Variants in FER1L6 observed in about 807,000 individuals in gnomAD.
FER1L6 encodes the protein fer-1-like protein 6.
A neutral mutation model predicts 219.2 loss-of-function variants in FER1L6; 177 were observed. The observed-to-expected ratio is 0.81, with a 90% CI of 0.71 to 0.91. The LOEUF (loss-of-function observed/expected upper bound fraction) is 0.91, where lower values mean the gene tolerates loss of function less well. FER1L6 is among the 40% of genes least tolerant of loss of function. The probability of loss-of-function intolerance (pLI) is 0.00; values close to 1 mark genes in which losing one functional copy is unlikely to be tolerated. For missense variants in FER1L6, 2,153 were observed against 2,259.9 expected (o/e 0.95, Z 0.96); for synonymous variants, 768 against 824.3 (o/e 0.93, Z 1.17).
At chr8:124,051,856 T>A (rs1487085959) in intron 22 of FER1L6, among the ~76,000 whole-genome samples, 2 of 152,058 alleles carry the variant, frequency 1.3e-5, no homozygotes, top group African/African-American at 2.4e-5. Context: ...AGACTTTCAG[T>A]GTGGTCTAGT....
chr8:124,074,860 C>T (rs1821214453), intron 31 of FER1L6, among the ~76,000 whole-genome samples: 2 of 152,060 alleles, frequency 1.3e-5, no homozygotes, highest in Admixed American at 1.3e-4. Context: ...ACTGTATAGA[C>T]TACTGTAGGC....
rs112123385 is a variant in FER1L6, at chr8:124,006,662, G to C, written c.1700+3315G>C. 3.1e-3 allele frequency among the ~76,000 whole-genome samples: 465 copies of C among 152,296 alleles called. 5 individuals carry two copies. Among genetic ancestry groups the C allele is most frequent in the African/African-American group, 0.011 (454 of 41,566 alleles). On this transcript the variant is annotated intron_variant, in intron 13 of 40. Coordinates refer to ENST00000522917, the MANE Select transcript of FER1L6 (RefSeq NM_001039112.2). ...AGGCTGGAGCTCCGGAATGGGACTG[G>C]AGAATAAGATATCCAATGACAGGTC...
At chr8:124,090,830 T>A (rs1355306385) in intron 33 of FER1L6, among the ~76,000 whole-genome samples, 1 of 152,126 alleles carries the variant, frequency 6.6e-6, no homozygotes, top group Non-Finnish European at 1.5e-5. Flanking sequence ...ATATATACTA[T>A]GATTTTGGTG....
At chr8:123,926,432 G>A (rs994808622) in intron 1 of FER1L6, among the ~76,000 whole-genome samples, 1 of 152,218 alleles carries the variant, frequency 6.6e-6, no homozygotes, top group African/African-American at 2.4e-5. Flanking sequence ...ACCCGAGTGT[G>A]CATAGGGGAA....
chr8:123,856,020 T>C (rs973319261), intron 1 of FER1L6, among the ~76,000 whole-genome samples: 2 of 143,496 alleles, frequency 1.4e-5, no homozygotes, highest in African/African-American at 5.1e-5. Context: ...GATATATGTA[T>C]ATACATATGT....
chr8:123,874,866 T>A (rs1354378796), intron 1 of FER1L6, among the ~76,000 whole-genome samples: 5 of 152,180 alleles, frequency 3.3e-5, no homozygotes, highest in Non-Finnish European at 5.9e-5. Context: ...TACTATATGT[T>A]CCTCCAGCTA....
chr8:123,890,561 A>T (rs1402105296), intron 1 of FER1L6, among the ~76,000 whole-genome samples: 8 of 150,754 alleles, frequency 5.3e-5, no homozygotes, highest in Non-Finnish European at 1.0e-4. Flanking sequence ...TTTATTTAGA[A>T]TTCCTAAGCT....
chr8:123,856,261 T>TATAC (rs1386174081), intron 1 of FER1L6, among the ~76,000 whole-genome samples: 2 of 139,440 alleles, frequency 1.4e-5, no homozygotes, highest in African/African-American at 5.3e-5. Context: ...GATATATGTA[T>TATAC]ATATGTGTAT....
chr8:124,053,491 A>C (rs184909695), intron 22 of FER1L6, among the ~76,000 whole-genome samples: 45 of 152,296 alleles, frequency 3.0e-4, no homozygotes, highest in African/African-American at 1.0e-3. Context: ...TGTGGATCTC[A>C]TACATACTGA....
chr8:123,904,391 C>T (rs566223871), intron 1 of FER1L6, among the ~76,000 whole-genome samples: 1 of 152,020 alleles, frequency 6.6e-6, no homozygotes, highest in East Asian at 1.9e-4. Flanking sequence ...TCACACTGCA[C>T]ACCCGCCAGC....
intron 6 of FER1L6, 29 bp from the exon 7 acceptor site, chr8:123,973,405 G>T (rs1189266001): frequency 6.4e-7 from 1 of 1,570,592 alleles, no homozygotes; most frequent in African/African-American, 1.4e-5. Context: ...AGGTAAATCT[G>T]CCATACTCCC....
At chr8:124,092,865 T>A (rs920918584) in intron 34 of FER1L6, among the ~76,000 whole-genome samples, 1 of 150,832 alleles carries the variant, frequency 6.6e-6, no homozygotes, top group African/African-American at 2.4e-5. Context: ...TTTTTTTTTT[T>A]TTTTTTTTGA....
At chr8:123,964,971 A>G (rs1184975905) in intron 3 of FER1L6, among the ~76,000 whole-genome samples, 1 of 152,138 alleles carries the variant, frequency 6.6e-6, no homozygotes, top group Admixed American at 6.5e-5. Flanking sequence ...TGGCTTACTC[A>G]TTTTTGTTTT....
intron 17 of FER1L6, 45 bp downstream of exon 17, chr8:124,021,714 A>G: frequency 1.2e-6 from 2 of 1,608,518 alleles, no homozygotes; most frequent in Non-Finnish European, 1.7e-6. Context: ...GTTAGATGGA[A>G]TGTCTTCCAG....
chr8:124,011,683 A>G (rs991911391), intron 14 of FER1L6, among the ~76,000 whole-genome samples: 9 of 148,632 alleles, frequency 6.1e-5, no homozygotes. Flanking sequence ...ACAAGATGTA[A>G]CTATGCTACT....
Position 124,023,611 on chromosome 8 carries a change from T to C in FER1L6, c.2286+15T>C. 1 of 1,612,548 alleles carries C rather than the reference T, an allele frequency of 6.2e-7. No individual in the cohort carries two copies. Among genetic ancestry groups the C allele is most frequent in the East Asian group, 2.2e-5 (1 of 44,830 alleles). ...ACTTCCTCAAAGTAAGTGTGCAGTA[T>C]TTTAACTAAAAGAAGGGAGATTTCT... On this transcript the variant is annotated intron_variant, in intron 18 of 40. Coordinates refer to ENST00000522917, the MANE Select transcript of FER1L6 (RefSeq NM_001039112.2).
chr8:124,082,583 A>C, intron 33 of FER1L6, 125 bp downstream of exon 33: 34 of 808,636 alleles, frequency 4.2e-5, no homozygotes, highest in Non-Finnish European at 6.4e-5. Context: ...TTAACGTCTC[A>C]AATGGGCTCC....
intron 1 of FER1L6, among the ~76,000 whole-genome samples, chr8:123,885,347 C>T (rs547100738): frequency 4.6e-5 from 7 of 152,304 alleles, no homozygotes; most frequent in African/African-American, 1.7e-4. Flanking sequence ...TTCTGGTCAC[C>T]TGTCCTTGTC....
In FER1L6 at chr8:124,076,283, G is replaced by T; in HGVS notation, c.4178G>T (p.Arg1393Leu). 6.2e-7 allele frequency: 1 copy of T among 1,613,868 alleles called. No individual in the cohort carries two copies. The highest frequency in any genetic ancestry group is 8.5e-7 in the Non-Finnish European group (1 of 1,179,776). Residue 1393 changes from arginine to leucine, a missense_variant, in exon 32 of 41, where the codon CGG (arginine) becomes CTG (leucine). By Grantham distance (102) the Arg-to-Leu change is moderately radical. Transcript: ENST00000522917. ...CTTGGCAAGACAGAAATCAAAGACCGGGATAAATACATCCCTAAACAACTG... is the reference window on the plus strand; with the variant it reads ...CTTGGCAAGACAGAAATCAAAGACCTGGATAAATACATCCCTAAACAACTG... ...IKLGKTEIKD[R>L]DKYIPKQLNP...
Sources: allele counts gnomAD v4.1 joint callset (sites outside exome capture counted in the v4.1 genomes callset), GRCh38; gene constraint gnomAD v4.1.1; transcripts MANE v1.5; gene names NCBI Gene and HGNC (gene_info 2026-07-23, HGNC 2026-07-21).